INTS4: variants seen among roughly 807,000 people sequenced by gnomAD.
INTS4 encodes the protein MSTP093.
A neutral mutation model predicts 119.5 loss-of-function variants in INTS4; 70 were observed. The ratio of observed to expected loss-of-function variants is 0.59; its 90% CI spans 0.48 to 0.71. The LOEUF (loss-of-function observed/expected upper bound fraction) is 0.71, where lower values mean the gene tolerates loss of function less well. INTS4 is among the 30% of genes least tolerant of loss of function. INTS4 has a pLI of 0.00. For missense variants in INTS4, 867 were observed against 1,173.2 expected (o/e 0.74, Z 3.81); for synonymous variants, 316 against 419.6 (o/e 0.75, Z 3.02).
At chr11:77,939,670 C>T (rs547527283) in intron 9 of INTS4, among the ~76,000 whole-genome samples, 1 of 151,868 alleles carries the variant, frequency 6.6e-6, no homozygotes, top group African/African-American at 2.4e-5. Flanking sequence ...TCTCATTAAA[C>T]CCCATCTCTA....
chr11:77,895,591 C>T (rs1024081837), intron 18 of INTS4, among the ~76,000 whole-genome samples: 5 of 139,650 alleles, frequency 3.6e-5, no homozygotes, highest in Non-Finnish European at 6.1e-5. Context: ...TAATCTTCTA[C>T]CAGAAATGGA....
chr11:77,920,619 G>A (rs1246983080), intron 14 of INTS4, among the ~76,000 whole-genome samples: 12 of 151,926 alleles, frequency 7.9e-5, no homozygotes, highest in East Asian at 1.9e-4. Flanking sequence ...TTGGGAGGCC[G>A]AGGCAGGCAG....
intron 20 of INTS4, 39 bp from the exon 21 acceptor site, chr11:77,891,501 G>A: frequency 6.2e-7 from 1 of 1,610,056 alleles, no homozygotes; most frequent in Non-Finnish European, 8.5e-7. Flanking sequence ...TTAAAGCCAG[G>A]TCATTCCTGG....
rs199933134 is a variant in INTS4, at chr11:77,956,710, AAATAATAATAATAAT to A, written c.798-663_798-649del. Among the ~76,000 whole-genome samples the A allele has an allele frequency of 6.4e-3, 627 of 97,706 alleles. 44 individuals carry two copies. The highest frequency in any genetic ancestry group is 0.026 in the East Asian group (98 of 3,778). 64.1% of individuals were successfully genotyped at this position (97,706 alleles called of 152,430 possible). On this transcript the variant is annotated intron_variant, in intron 7 of 22. Transcript: ENST00000534064. ...CAACAGAGCGAGACTCCATCTCAAA[AAATAATAATAATAAT>A]AATAATAATAATAATAATAATAATA...
At chr11:77,907,133 C>T (rs1952975278) in intron 16 of INTS4, among the ~76,000 whole-genome samples, 1 of 152,122 alleles carries the variant, frequency 6.6e-6, no homozygotes. Context: ...GTCTGTCATC[C>T]AGGCTGGAGT....
chr11:77,885,146 C>T (rs1951949319), intron 21 of INTS4, among the ~76,000 whole-genome samples: 1 of 151,898 alleles, frequency 6.6e-6, no homozygotes, highest in African/African-American at 2.4e-5. Flanking sequence ...GGCATGATCT[C>T]GGCTCACTGC....
At chr11:77,979,787 G>A (rs1856124838) in intron 3 of INTS4, among the ~76,000 whole-genome samples, 1 of 151,566 alleles carries the variant, frequency 6.6e-6, no homozygotes, top group African/African-American at 2.4e-5. Flanking sequence ...AGACCAGCCT[G>A]ACCAACATGG....
chr11:77,987,835 T>C, intron 2 of INTS4: 1 of 315,062 alleles, frequency 3.2e-6, no homozygotes, highest in South Asian at 2.3e-5. Flanking sequence ...ATCACGCCAT[T>C]GCACTCTAGA....
intron 2 of INTS4, among the ~76,000 whole-genome samples, chr11:77,984,400 A>G (rs1856373724): frequency 1.3e-5 from 2 of 151,974 alleles, no homozygotes; most frequent in South Asian, 4.2e-4. Context: ...AGGCCGAGGC[A>G]GGAGAATCAC....
chr11:77,902,180 T>C (rs1390403889), intron 17 of INTS4, among the ~76,000 whole-genome samples: 2 of 152,164 alleles, frequency 1.3e-5, no homozygotes, highest in African/African-American at 2.4e-5. Context: ...TCTCTTACAA[T>C]TGGCAATAAG....
At chr11:77,983,018 A>G (rs1856308456) in intron 2 of INTS4, among the ~76,000 whole-genome samples, 1 of 152,226 alleles carries the variant, frequency 6.6e-6, no homozygotes, top group Non-Finnish European at 1.5e-5. Context: ...TAAGGTGTGA[A>G]GTGAAGCAGA....
At chr11:77,952,275 G>A (rs1954215110) in intron 8 of INTS4, among the ~76,000 whole-genome samples, 1 of 152,140 alleles carries the variant, frequency 6.6e-6, no homozygotes, top group Non-Finnish European at 1.5e-5. Context: ...CACCAGGAAA[G>A]GATTATACGT....
At chr11:77,922,264 A>G in intron 13 of INTS4, 92 bp downstream of exon 13, 1 of 1,475,370 alleles carries the variant, frequency 6.8e-7, no homozygotes, top group Non-Finnish European at 9.0e-7. Context: ...AAGCAAAGAA[A>G]AGAAAATTCA....
At chr11:77,956,256 C>G (rs1386482541) in intron 7 of INTS4, among the ~76,000 whole-genome samples, 194 bp from the exon 8 acceptor site, 1 of 151,946 alleles carries the variant, frequency 6.6e-6, no homozygotes, top group Non-Finnish European at 1.5e-5. Flanking sequence ...AAAAAAAATA[C>G]AAAAATTAGC....
In INTS4 at chr11:77,987,935, C is replaced by A. The variant is rs141667182; in HGVS notation, c.246+3173G>T. The stretch of plus-strand genomic sequence containing the variant: ...CTTTGGGAGGCTGAGGTAGGTGAAT[C>A]GCTTGAGCCCAGGAGTTTGAGACCA... On this transcript the variant is annotated intron_variant, in intron 2 of 22. Transcript: ENST00000534064. 9.9e-5 allele frequency among the ~76,000 whole-genome samples: 15 copies of A among 152,090 alleles called. 1 individual carries two copies. Among genetic ancestry groups the A allele is most frequent in the Admixed American group, 3.9e-4 (6 of 15,262 alleles).
At chr11:77,983,990 T>C (rs1856353304) in intron 2 of INTS4, among the ~76,000 whole-genome samples, 1 of 152,134 alleles carries the variant, frequency 6.6e-6, no homozygotes, top group South Asian at 2.1e-4. Context: ...CAAGTATCCA[T>C]TGGCAAATGA....
intron 15 of INTS4, among the ~76,000 whole-genome samples, chr11:77,908,700 T>C (rs1953021323): frequency 6.6e-6 from 1 of 152,184 alleles, no homozygotes; most frequent in Non-Finnish European, 1.5e-5. Context: ...GTAAAAACTA[T>C]ATAGAGGAGA....
intron 4 of INTS4, chr11:77,963,316 T>C (rs72941310): frequency 0.13 from 45,197 of 358,158 alleles, 3,264 homozygotes; most frequent in East Asian, 0.24. Context: ...CATTAAGAAC[T>C]GCTTTTCTGG....
chr11:77,946,950 A>G (rs1378652263), intron 8 of INTS4, among the ~76,000 whole-genome samples: 2 of 150,724 alleles, frequency 1.3e-5, no homozygotes, highest in Non-Finnish European at 3.0e-5. Context: ...ACAGAAATCA[A>G]TATCATAAAA....
Sources: gnomAD v4.1 joint callset for allele counts (sites outside exome capture counted in the v4.1 genomes callset) on GRCh38, gnomAD v4.1.1 for gene constraint, MANE v1.5 for transcripts, NCBI Gene and HGNC (gene_info 2026-07-23, HGNC 2026-07-21) for gene names.